The following CA10 variants were observed in gnomAD, a reference collection of about 807,000 sequenced individuals.
The protein encoded by CA10 is carbonic anhydrase-related protein 10.
A neutral mutation model predicts 44.2 loss-of-function variants in CA10; 14 were observed. The ratio of observed to expected loss-of-function variants is 0.32; its 90% CI spans 0.21 to 0.50. CA10 has a LOEUF of 0.50. Among genes scored for constraint, CA10 ranks in the 20% least tolerant of loss-of-function variants. CA10 has a pLI of 0.99. For synonymous variants in CA10, 159 were observed against 141.6 expected, an observed-to-expected ratio of 1.12 and a Z score of -0.87; for missense variants, 350 against 409.7, an observed-to-expected ratio of 0.85 and a Z score of 1.26.
chr17:52,098,945 C>T (rs1321248541), intron 1 of CA10, among the ~76,000 whole-genome samples: 1 of 152,148 alleles, frequency 6.6e-6, no homozygotes, highest in East Asian at 1.9e-4. Flanking sequence ...CAAAGTGCTT[C>T]CTCTCATGGA....
chr17:51,652,461 A>C (rs1458066583), intron 5 of CA10, among the ~76,000 whole-genome samples: 1 of 152,212 alleles, frequency 6.6e-6, no homozygotes, highest in Non-Finnish European at 1.5e-5. Flanking sequence ...TTCCCTGGCC[A>C]AATGTCCCTT....
intron 3 of CA10, among the ~76,000 whole-genome samples, chr17:51,843,285 G>T (rs1303645105): frequency 6.6e-6 from 1 of 152,166 alleles, no homozygotes; most frequent in Non-Finnish European, 1.5e-5. Flanking sequence ...TCACGGCTGG[G>T]CCTCTAATGT....
chr17:51,752,086 C>A (rs756021636), intron 3 of CA10, among the ~76,000 whole-genome samples: 3 of 151,918 alleles, frequency 2.0e-5, no homozygotes, highest in Non-Finnish European at 2.9e-5. Context: ...GATGCAACAC[C>A]CCCTTTTCCC....
chr17:52,051,432 A>G (rs1987068390), intron 2 of CA10, among the ~76,000 whole-genome samples: 1 of 151,528 alleles, frequency 6.6e-6, no homozygotes, highest in Admixed American at 6.6e-5. Flanking sequence ...GCATTTATAG[A>G]TAACTTAAAT....
chr17:52,026,889 C>A (rs1469871175), intron 2 of CA10, among the ~76,000 whole-genome samples: 1 of 151,946 alleles, frequency 6.6e-6, no homozygotes, highest in Non-Finnish European at 1.5e-5. Context: ...CACGAGGAAC[C>A]AGTTTTGTGG....
Position 52,157,895 on chromosome 17 carries a change from ACACTCG to A in CA10, c.-115_-110del. ...CTCGCACACACTTCCGAGCGAGTGC[ACACTCG>A]CACTCCCACCCGACAGCCGGCCAGG... On this transcript the variant is annotated 5_prime_UTR_variant, in exon 1 of 9. Transcript: ENST00000451037. The A allele has an allele frequency of 2.3e-6, 2 of 854,046 alleles. No individual in the cohort carries two copies. The highest frequency in any genetic ancestry group is 3.5e-5 in the Admixed American group (2 of 57,436). The allele number at this position is 854,046 out of a possible 1,614,324, so 52.9% of individuals were successfully genotyped here.
At chr17:51,799,418 T>G (rs1444848131) in intron 3 of CA10, among the ~76,000 whole-genome samples, 1 of 152,166 alleles carries the variant, frequency 6.6e-6, no homozygotes, top group East Asian at 1.9e-4. Context: ...ATCTGGGGAT[T>G]TACTGGCTGT....
chr17:51,760,181 T>C (rs1201978649), intron 3 of CA10, among the ~76,000 whole-genome samples: 1 of 152,236 alleles, frequency 6.6e-6, no homozygotes, highest in East Asian at 1.9e-4. Flanking sequence ...ACATTCCCCG[T>C]GTGGTCATCA....
At chr17:51,961,184 CACAA>C (rs764254830) in intron 2 of CA10, among the ~76,000 whole-genome samples, 5 of 98,084 alleles carry the variant, frequency 5.1e-5, no homozygotes, top group Admixed American at 1.4e-4. Flanking sequence ...TGTATGTACA[CACAA>C]ACACACACAC....
At chr17:51,816,028 T>G (rs1907551687) in intron 3 of CA10, among the ~76,000 whole-genome samples, 1 of 152,170 alleles carries the variant, frequency 6.6e-6, no homozygotes, top group South Asian at 2.1e-4. Flanking sequence ...TGTTCATTCT[T>G]TCTAATTTTT....
chr17:51,666,147 T>C (rs1199977555), intron 4 of CA10, among the ~76,000 whole-genome samples: 1 of 152,198 alleles, frequency 6.6e-6, no homozygotes, highest in Non-Finnish European at 1.5e-5. Context: ...GTGTTTCCCA[T>C]GTGCCAGGCA....
At chr17:51,797,774 C>T (rs1216174727) in intron 3 of CA10, among the ~76,000 whole-genome samples, 1 of 138,886 alleles carries the variant, frequency 7.2e-6, no homozygotes, top group Non-Finnish European at 1.5e-5. Flanking sequence ...TTACTTGAAC[C>T]TAGGAGGCAG....
intron 3 of CA10, among the ~76,000 whole-genome samples, chr17:51,752,767 A>G (rs1904933523): frequency 6.6e-6 from 1 of 152,136 alleles, no homozygotes; most frequent in African/African-American, 2.4e-5. Context: ...CGTCTCTACT[A>G]AAAATACAAT....
chr17:51,818,301 A>T (rs1907644437), intron 3 of CA10, among the ~76,000 whole-genome samples: 1 of 151,972 alleles, frequency 6.6e-6, no homozygotes, highest in Non-Finnish European at 1.5e-5. Context: ...CACTAAAAGA[A>T]AGTTATTTTT....
At chr17:51,951,110 C>T (rs574069274) in intron 2 of CA10, among the ~76,000 whole-genome samples, 120 of 152,218 alleles carry the variant, frequency 7.9e-4, no homozygotes, top group African/African-American at 2.9e-3. Context: ...ATACATATCC[C>T]TGATTATTTT....
intron 4 of CA10, among the ~76,000 whole-genome samples, chr17:51,735,125 T>C (rs1392472447): frequency 6.6e-6 from 1 of 152,174 alleles, no homozygotes; most frequent in Non-Finnish European, 1.5e-5. Flanking sequence ...ACCTTCTGCA[T>C]GGGTGCTACT....
intron 8 of CA10, 30 bp from the exon 9 acceptor site, chr17:51,631,636 C>G: frequency 6.3e-7 from 1 of 1,582,336 alleles, no homozygotes; most frequent in East Asian, 2.2e-5. Context: ...AAAAAAAAAT[C>G]ACACATACAA....
At chr17:51,720,866 T>G (rs1407727153) in intron 4 of CA10, among the ~76,000 whole-genome samples, 1 of 18,838 alleles carries the variant, frequency 5.3e-5, no homozygotes, top group East Asian at 2.5e-3. Flanking sequence ...TAATAATGTA[T>G]GTATACTTTA....
At chr17:51,781,680 A>G (rs1337287410) in intron 3 of CA10, among the ~76,000 whole-genome samples, 2 of 152,192 alleles carry the variant, frequency 1.3e-5, no homozygotes, top group Admixed American at 6.5e-5. Context: ...ATGTCTTTGT[A>G]TCTGTTTCTC....
Sources: gnomAD v4.1 joint callset for allele counts (sites outside exome capture counted in the v4.1 genomes callset) on GRCh38, gnomAD v4.1.1 for gene constraint, MANE v1.5 for transcripts, NCBI Gene and HGNC (gene_info 2026-07-23, HGNC 2026-07-21) for gene names.